Variants in TMEM181 observed in about 807,000 individuals in gnomAD.
TMEM181 encodes transmembrane protein 181.
A neutral mutation model predicts 71.9 loss-of-function variants in TMEM181; 39 were observed. That is an observed-to-expected ratio of 0.54 (90% confidence interval 0.42 to 0.71). The LOEUF is 0.71. Ranked by LOEUF, TMEM181 falls within the 30% of genes least tolerant of loss-of-function variation. The probability of loss-of-function intolerance (pLI) is 0.00; values close to 1 mark genes in which losing one functional copy is unlikely to be tolerated. For synonymous variants in TMEM181, 245 were observed against 228.8 expected, an observed-to-expected ratio of 1.07 and a Z score of -0.64; for missense variants, 595 against 583.0, an observed-to-expected ratio of 1.02 and a Z score of -0.21.
chr6:158,567,241 T>C (rs1404338264), intron 1 of TMEM181, among the ~76,000 whole-genome samples: 1 of 152,106 alleles, frequency 6.6e-6, no homozygotes, highest in Non-Finnish European at 1.5e-5. Context: ...TTCTAGGAAG[T>C]CTTCCTGGCC....
chr6:158,584,058 C>T lies in TMEM181; in HGVS notation c.259+14C>T, dbSNP rs764411561. ...ATCAATCAAAAGGTATGGAGCTTGA[C>T]ATTTTGGAATGATTTTTCATTATAC... On this transcript the variant is annotated intron_variant, in intron 4 of 16. Coordinates refer to ENST00000684151, the MANE Select transcript of TMEM181 (RefSeq NM_001376852.1). 4 of 1,579,348 alleles carry T rather than the reference C, an allele frequency of 2.5e-6. No individual in the cohort carries two copies. In the East Asian group the frequency reaches 9.0e-5, roughly 36 times the overall value.
chr6:158,615,620 C>G (rs1785570151), intron 10 of TMEM181, among the ~76,000 whole-genome samples: 1 of 152,128 alleles, frequency 6.6e-6, no homozygotes, highest in South Asian at 2.1e-4. Context: ...GGTTTTAGGT[C>G]TAACATTTAA....
intron 3 of TMEM181, among the ~76,000 whole-genome samples, chr6:158,581,273 G>T (rs985285543): frequency 6.6e-5 from 10 of 152,186 alleles, no homozygotes; most frequent in Non-Finnish European, 1.5e-4. Flanking sequence ...AACTCATCCT[G>T]ATTCCTTGCC....
In TMEM181 at chr6:158,632,254, T is replaced by C. The variant is rs2128334470; in HGVS notation, c.*366T>C. 4.1e-6 allele frequency: 1 copy of C among 243,454 alleles called. No homozygotes were observed. Among genetic ancestry groups the C allele is most frequent in the Non-Finnish European group, 8.3e-6 (1 of 120,494 alleles). 15.1% of individuals were successfully genotyped at this position (243,454 alleles called of 1,614,324 possible). ...TCCAAGTTCACGGGCAGCCTGTGAC[T>C]AGGTCCTCAGCGTGACAGCATCACC... On this transcript the variant is annotated 3_prime_UTR_variant, in exon 17 of 17. Transcript: ENST00000684151.
At chr6:158,607,953 C>T (rs1202579762) in intron 8 of TMEM181, among the ~76,000 whole-genome samples, 1 of 152,246 alleles carries the variant, frequency 6.6e-6, no homozygotes. Flanking sequence ...GTTTGCTTCC[C>T]GAGCTGCCGC....
chr6:158,631,829 C>A lies in TMEM181; in HGVS notation c.1369C>A (p.Pro457Thr). 1 of 1,599,546 alleles carries A rather than the reference C, an allele frequency of 6.3e-7. No individual in the cohort carries two copies. The highest frequency in any genetic ancestry group is 8.5e-7 in the Non-Finnish European group (1 of 1,172,640). Residue 457 changes from proline to threonine, a missense_variant, in exon 17 of 17, where the codon CCG becomes ACG. Coordinates refer to ENST00000684151, the MANE Select transcript of TMEM181 (RefSeq NM_001376852.1). ...TCACAGGAGTGACTATGAGGAAATG[C>A]CGCTGCAGAACGGCCAGGCCATCCG... is the stretch of plus-strand genomic sequence containing the variant. ...VIYGSDYEEM[P>T]LQNGQAIRAK...
At chr6:158,581,924 C>A (rs1274599268) in intron 3 of TMEM181, among the ~76,000 whole-genome samples, 1 of 152,090 alleles carries the variant, frequency 6.6e-6, no homozygotes, top group Non-Finnish European at 1.5e-5. Flanking sequence ...AAACTGAACA[C>A]AGTTGCCCTG....
intron 10 of TMEM181, among the ~76,000 whole-genome samples, chr6:158,616,897 T>A (rs564324165): frequency 6.6e-6 from 1 of 152,244 alleles, no homozygotes. Flanking sequence ...CAGTATTTTA[T>A]TGAGGATTTT....
intron 2 of TMEM181, among the ~76,000 whole-genome samples, chr6:158,579,405 A>G (rs762229980): frequency 1.1e-4 from 17 of 151,832 alleles, no homozygotes; most frequent in South Asian, 8.3e-4. Context: ...GTACACATAC[A>G]ATGGAATATT....
At chr6:158,599,741 G>T (rs754036808) in intron 6 of TMEM181, among the ~76,000 whole-genome samples, 2 of 152,216 alleles carry the variant, frequency 1.3e-5, no homozygotes, top group African/African-American at 2.4e-5. Context: ...GCGCCTGGAG[G>T]CCGCTGTGTG....
At chr6:158,618,302 CCT>C (rs1247671337) in intron 10 of TMEM181, among the ~76,000 whole-genome samples, 516 of 136,650 alleles carry the variant, frequency 3.8e-3, no homozygotes, top group African/African-American at 0.014. Context: ...GATTGCAACC[CCT>C]GCTTTTGTTG....
chr6:158,604,764 A>G (rs1784853624), intron 6 of TMEM181, among the ~76,000 whole-genome samples: 1 of 152,210 alleles, frequency 6.6e-6, no homozygotes, highest in African/African-American at 2.4e-5. Context: ...AAAGAGATTG[A>G]CAAGCTTGAT....
In TMEM181 at chr6:158,560,154, G is replaced by T. The variant is rs913582026; in HGVS notation, c.-71G>T. ...TCCGGCTCCGGCTGCGGCTGCCGCT[G>T]CCGAGGCTGCTGCGCGGCGCCTGGC... is the stretch of plus-strand genomic sequence containing the variant. On this transcript the variant is annotated 5_prime_UTR_variant, in exon 1 of 17. Transcript: ENST00000684151. 3.0e-6 allele frequency: 3 copies of T among 984,764 alleles called. No individual in the cohort carries two copies. In the African/African-American group the frequency reaches 5.2e-5, roughly 17 times the overall value. 61.0% of individuals were successfully genotyped at this position (984,764 alleles called of 1,614,324 possible). A position where few individuals can be genotyped will look rare whatever the true frequency, so the allele number is the denominator to read the frequency against.
upstream of TMEM181, among the ~76,000 whole-genome samples, chr6:158,555,228 A>T (rs1562617287): frequency 6.6e-6 from 1 of 152,216 alleles, no homozygotes; most frequent in African/African-American, 2.4e-5. Context: ...AAGCAATTTT[A>T]TGCCAGACAG....
At chr6:158,599,068 C>T (rs1455817883) in intron 6 of TMEM181, among the ~76,000 whole-genome samples, 1 of 152,234 alleles carries the variant, frequency 6.6e-6, no homozygotes, top group South Asian at 2.1e-4. Flanking sequence ...CACGTCCCTC[C>T]CGCGGTCTGT....
intron 10 of TMEM181, among the ~76,000 whole-genome samples, chr6:158,622,147 G>A (rs948370486): frequency 1.3e-5 from 2 of 152,200 alleles, no homozygotes; most frequent in Non-Finnish European, 1.5e-5. Context: ...CCCAGCGCCT[G>A]CCCTCTGGTA....
At position 158,539,507 on chromosome 6, in the gene TMEM181, G is replaced by A. The variant is rs1334734480; in HGVS notation, c.131+2642G>A. On this transcript the variant is annotated intron_variant, in intron 1 of 16. Transcript: ENST00000367090. ...CTTATTGGTGGTTTATGAGTAAAAC[G>A]CACCAGCTCTTTCCCCTGGAGGACC... 7.2e-5 allele frequency among the ~76,000 whole-genome samples: 11 copies of A among 152,248 alleles called. No individual in the cohort carries two copies. In the South Asian group the frequency reaches 1.7e-3, roughly 23 times the overall value.
chr6:158,546,885 G>T (rs1198609043), intron 1 of TMEM181, among the ~76,000 whole-genome samples: 1 of 152,290 alleles, frequency 6.6e-6, no homozygotes, highest in South Asian at 2.1e-4. Context: ...ATTTGAACCC[G>T]GGAGGTGGAG....
intron 2 of TMEM181, among the ~76,000 whole-genome samples, chr6:158,578,728 A>G (rs146183374): frequency 1.3e-3 from 191 of 152,348 alleles, no homozygotes; most frequent in African/African-American, 4.5e-3. Context: ...TGACAGAAGC[A>G]AGTTTCTCCT....
Sources: allele counts gnomAD v4.1 joint callset (sites outside exome capture counted in the v4.1 genomes callset), GRCh38; gene constraint gnomAD v4.1.1; transcripts MANE v1.5; gene names NCBI Gene and HGNC (gene_info 2026-07-23, HGNC 2026-07-21).